The following SCFD2 variants were observed in gnomAD, a reference collection of about 807,000 sequenced individuals.
SCFD2 encodes the protein sec1 family domain-containing protein 2.
In SCFD2, 54 loss-of-function variants were observed where a neutral mutation model predicts 58.9. The ratio of observed to expected loss-of-function variants is 0.92; its 90% confidence interval spans 0.74 to 1.15. The LOEUF is 1.15. Among genes scored for constraint, SCFD2 ranks in the 50% most tolerant of loss-of-function variants. The pLI is 0.00. For synonymous variants in SCFD2, 321 were observed against 335.9 expected (o/e 0.96, Z 0.49); for missense variants, 805 against 836.6 (o/e 0.96, Z 0.47).
intron 4 of SCFD2, among the ~76,000 whole-genome samples, chr4:53,217,362 A>G (rs866842945): frequency 6.6e-6 from 1 of 152,190 alleles, no homozygotes; most frequent in African/African-American, 2.4e-5. Flanking sequence ...TAGGATAGTT[A>G]GCTCTTCTTG....
chr4:53,064,831 A>C lies in SCFD2; in HGVS notation c.1561+80502T>G, dbSNP rs535561767. ...CTTCCTCATCTGAAAAAACAGGCAT[A>C]AAAAGGCAGTGACTTCATAGGGTTC... On this transcript the variant is annotated intron_variant, in intron 5 of 8. Transcript: ENST00000401642. Among the ~76,000 whole-genome samples the C allele has an allele frequency of 5.4e-4, 82 of 152,272 alleles. 1 individual carries two copies. The highest frequency in any genetic ancestry group is 1.5e-3 in the African/African-American group (64 of 41,566).
At chr4:53,179,006 G>A (rs1036619264) in intron 4 of SCFD2, among the ~76,000 whole-genome samples, 2 of 152,222 alleles carry the variant, frequency 1.3e-5, no homozygotes, top group African/African-American at 2.4e-5. Flanking sequence ...TCTGTGAAAA[G>A]AGCAAATCTA....
chr4:53,225,599 A>G (rs769671368), intron 4 of SCFD2, among the ~76,000 whole-genome samples: 17 of 152,322 alleles, frequency 1.1e-4, no homozygotes, highest in Non-Finnish European at 1.9e-4. Context: ...ATAATGGCTA[A>G]AATTTGTTGT....
chr4:52,934,262 C>T lies in SCFD2; in HGVS notation c.1562-13392G>A, dbSNP rs183534995. 5.9e-5 allele frequency among the ~76,000 whole-genome samples: 9 copies of T among 152,242 alleles called. No individual in the cohort carries two copies. In the East Asian group the frequency reaches 1.4e-3, roughly 23 times the overall value. The stretch of plus-strand genomic sequence containing the variant: ...TGGGAAAAAAAATGTGCAAATTGTT[C>T]AGGACCAGCCTTAATGAACAGCCAT... On this transcript the variant is annotated intron_variant, in intron 5 of 8. Coordinates refer to ENST00000401642, the MANE Select transcript of SCFD2 (RefSeq NM_152540.4).
At chr4:52,922,177 T>C (rs898545761) in intron 5 of SCFD2, among the ~76,000 whole-genome samples, 10 of 152,214 alleles carry the variant, frequency 6.6e-5, no homozygotes, top group Non-Finnish European at 1.3e-4. Flanking sequence ...TTTATGTTTT[T>C]AGTAACGGCT....
chr4:52,956,164 C>T (rs1720707701), intron 5 of SCFD2: 1 of 456,608 alleles, frequency 2.2e-6, no homozygotes. Context: ...CCCAAGACTA[C>T]TGCTGGAGCT....
chr4:52,896,542 C>T (rs200640456), intron 7 of SCFD2, among the ~76,000 whole-genome samples: 1 of 152,142 alleles, frequency 6.6e-6, no homozygotes, highest in Admixed American at 6.5e-5. Context: ...GTACCAGTAC[C>T]ACGCTGTTTT....
At chr4:53,149,796 T>C (rs1190303727) in intron 4 of SCFD2, among the ~76,000 whole-genome samples, 1 of 152,076 alleles carries the variant, frequency 6.6e-6, no homozygotes, top group African/African-American at 2.4e-5. Flanking sequence ...AGTCTAACCA[T>C]GACAAAAACA....
At chr4:53,100,253 C>T (rs1307545141) in intron 5 of SCFD2, among the ~76,000 whole-genome samples, 1 of 152,050 alleles carries the variant, frequency 6.6e-6, no homozygotes, top group Admixed American at 6.6e-5. Context: ...CTCATCTGTT[C>T]AATGTAGGAT....
In SCFD2 at chr4:53,295,951, A is replaced by G. The variant is rs1261306471; in HGVS notation, c.1135+17685T>C. Among the ~76,000 whole-genome samples the G allele has an allele frequency of 2.6e-5, 4 of 152,098 alleles. No individual in the cohort carries two copies. In the East Asian group the frequency reaches 7.7e-4, roughly 29 times the overall value. ...TGATGGATTACGTTTATTGATTTGCATATGTTGAACCAGCCTTGTATTCCT... is the reference window on the plus strand; with the variant it reads ...TGATGGATTACGTTTATTGATTTGCGTATGTTGAACCAGCCTTGTATTCCT... On this transcript the variant is annotated intron_variant, in intron 3 of 8. Transcript: ENST00000401642.
rs547715472 is a variant in SCFD2, at chr4:53,139,585, G to A, written c.1561+5748C>T. 2.0e-3 allele frequency among the ~76,000 whole-genome samples: 308 copies of A among 150,608 alleles called. 3 individuals carry two copies. Among genetic ancestry groups the A allele is most frequent in the Middle Eastern group, 0.011 (3 of 280 alleles). ...CGCCCGGCAGCCGCCCCGTCCGGGA[G>A]GTGGGGGGCAGCCCCCGCCCGGCTG... On this transcript the variant is annotated intron_variant, in intron 5 of 8. Coordinates refer to ENST00000401642, the MANE Select transcript of SCFD2 (RefSeq NM_152540.4).
At chr4:52,942,989 C>T (rs772256619) in intron 5 of SCFD2, among the ~76,000 whole-genome samples, 1 of 150,850 alleles carries the variant, frequency 6.6e-6, no homozygotes, top group Admixed American at 6.6e-5. Context: ...TTGGTACTAT[C>T]TGAATTTGAC....
At chr4:53,204,171 C>T (rs1413458274) in intron 4 of SCFD2, among the ~76,000 whole-genome samples, 2 of 151,872 alleles carry the variant, frequency 1.3e-5, no homozygotes, top group Admixed American at 6.6e-5. Context: ...ATAAACTTAG[C>T]CTGTTCCATT....
intron 5 of SCFD2, among the ~76,000 whole-genome samples, chr4:53,081,695 T>G (rs1223195269): frequency 3.9e-5 from 6 of 152,148 alleles, no homozygotes; most frequent in African/African-American, 9.7e-5. Flanking sequence ...ATCATAAAAT[T>G]TATTACTTTA....
chr4:52,879,523 C>G (rs1029212458), intron 8 of SCFD2, among the ~76,000 whole-genome samples: 1 of 152,094 alleles, frequency 6.6e-6, no homozygotes, highest in Admixed American at 6.5e-5. Context: ...AACTTGACAT[C>G]AAAAAAATAT....
chr4:53,022,238 T>C (rs1722367000), intron 5 of SCFD2, among the ~76,000 whole-genome samples: 1 of 152,220 alleles, frequency 6.6e-6, no homozygotes, highest in Admixed American at 6.6e-5. Context: ...TGTTATTTTC[T>C]CTTACTGGGG....
At chr4:53,107,695 A>G (rs112864702) in intron 5 of SCFD2, among the ~76,000 whole-genome samples, 8,049 of 152,244 alleles carry the variant, frequency 0.053, 710 homozygotes, top group African/African-American at 0.18. Context: ...ATATATATGC[A>G]CCCAATACAG....
intron 4 of SCFD2, among the ~76,000 whole-genome samples, chr4:53,147,689 G>A (rs1210524787): frequency 6.6e-6 from 1 of 152,200 alleles, no homozygotes. Flanking sequence ...GAGCAGGGGT[G>A]TCCAATCTTT....
chr4:52,982,612 T>C (rs1406894421), intron 5 of SCFD2, among the ~76,000 whole-genome samples: 1 of 152,222 alleles, frequency 6.6e-6, no homozygotes, highest in Non-Finnish European at 1.5e-5. Flanking sequence ...ATGTTATTTA[T>C]CCAATCTCTA....
Sources: allele counts gnomAD v4.1 joint callset (sites outside exome capture counted in the v4.1 genomes callset), GRCh38; gene constraint gnomAD v4.1.1; transcripts MANE v1.5; gene names NCBI Gene and HGNC (gene_info 2026-07-23, HGNC 2026-07-21).